Variants in COX7B2 observed in about 807,000 individuals in gnomAD.
COX7B2 encodes the protein cytochrome c oxidase subunit 7B2, mitochondrial.
For missense variants in COX7B2, 109 were observed against 95.9 expected (o/e 1.14, Z -0.57); for synonymous variants, 37 against 32.1 (o/e 1.15, Z -0.51).
chr4:46,735,178 C>T lies in COX7B2; in HGVS notation c.15G>A (p.Leu5=). 1 of 1,613,084 alleles carries T rather than the reference C, an allele frequency of 6.2e-7. No homozygotes were observed. The highest frequency in any genetic ancestry group is 1.3e-5 in the African/African-American group (1 of 74,982). Residue 5 remains leucine (L), a synonymous_variant, in exon 3 of 3, where the codon TTG becomes TTA. Transcript: ENST00000355591. ...TGAGACTGCTTAGTGCATTTCTGGC[C>T]AAGGGAAACATCATGAAGGATTGCA... The part of the protein sequence containing the change: MMFP[L]ARNALSSLKI...
chr4:46,864,644 TTTTGTTTGTTTG>T (rs57824496), intron 1 of COX7B2, among the ~76,000 whole-genome samples: 13 of 149,130 alleles, frequency 8.7e-5, no homozygotes, highest in African/African-American at 3.2e-4. Flanking sequence ...CAGAGTTGTT[TTTTGTTTGTTTG>T]TTTGTTTGTT....
At chr4:46,868,302 T>G (rs1228125523) in intron 1 of COX7B2, among the ~76,000 whole-genome samples, 3 of 152,138 alleles carry the variant, frequency 2.0e-5, no homozygotes, top group African/African-American at 7.2e-5. Context: ...CCTATCCTAT[T>G]ATTTCTTTCA....
intron 2 of COX7B2, among the ~76,000 whole-genome samples, chr4:46,830,042 G>C (rs1350206828): frequency 2.0e-5 from 3 of 152,046 alleles, no homozygotes; most frequent in Non-Finnish European, 4.4e-5. Context: ...AAAATGGATA[G>C]AGGCCGGGCG....
intron 2 of COX7B2, among the ~76,000 whole-genome samples, chr4:46,818,212 C>A (rs1719651645): frequency 6.6e-6 from 1 of 152,172 alleles, no homozygotes; most frequent in Non-Finnish European, 1.5e-5. Context: ...TATTGAATCT[C>A]CTGTCTTACT....
At chr4:46,758,890 G>A (rs1170259019) in intron 2 of COX7B2, among the ~76,000 whole-genome samples, 1 of 152,052 alleles carries the variant, frequency 6.6e-6, no homozygotes, top group Non-Finnish European at 1.5e-5. Flanking sequence ...CAGGCAAAGG[G>A]TAGACCATAA....
intron 2 of COX7B2, among the ~76,000 whole-genome samples, chr4:46,830,923 C>T (rs181676169): frequency 3.8e-3 from 580 of 152,314 alleles, no homozygotes; most frequent in African/African-American, 0.013. Flanking sequence ...TCCTAGGCGT[C>T]GGCGCCCACT....
At chr4:46,794,457 A>G (rs768106856) in intron 2 of COX7B2, among the ~76,000 whole-genome samples, 1 of 152,188 alleles carries the variant, frequency 6.6e-6, no homozygotes, top group Admixed American at 6.5e-5. Context: ...GAACTGTTAG[A>G]GTACAGTCAT....
At chr4:46,769,868 T>C (rs146937627) in intron 2 of COX7B2, among the ~76,000 whole-genome samples, 202 of 152,148 alleles carry the variant, frequency 1.3e-3, no homozygotes, top group Non-Finnish European at 2.2e-3. Context: ...CCATATACAA[T>C]AAGCCCACAG....
intron 2 of COX7B2, among the ~76,000 whole-genome samples, chr4:46,796,884 T>C (rs1307676650): frequency 6.3e-5 from 3 of 47,486 alleles, no homozygotes; most frequent in Admixed American, 2.4e-4. Context: ...TAGGTGGGAA[T>C]TGAACAATGA....
intron 2 of COX7B2, among the ~76,000 whole-genome samples, chr4:46,754,728 G>GTGTATATA (rs1333586285): frequency 3.3e-4 from 13 of 39,866 alleles, no homozygotes; most frequent in Non-Finnish European, 5.3e-4. Context: ...GTGTGTGTGT[G>GTGTATATA]TATATATATA....
chr4:46,871,960 C>T (rs1334945242), intron 1 of COX7B2, among the ~76,000 whole-genome samples: 1 of 152,130 alleles, frequency 6.6e-6, no homozygotes, highest in African/African-American at 2.4e-5. Flanking sequence ...ACCCAGCAAT[C>T]CTATTATTGG....
At chr4:46,851,922 G>C (rs1296734296) in intron 1 of COX7B2, among the ~76,000 whole-genome samples, 4 of 152,048 alleles carry the variant, frequency 2.6e-5, no homozygotes, top group African/African-American at 7.2e-5. Flanking sequence ...TGATAAAGCT[G>C]GTGTTAACCA....
At position 46,840,406 on chromosome 4, in the gene COX7B2, G is replaced by C. The variant is rs554889902; in HGVS notation, c.-50+4554C>G. 1.4e-4 allele frequency among the ~76,000 whole-genome samples: 21 copies of C among 152,122 alleles called. No homozygotes were observed. The South Asian group carries it at 4.4e-3, about 32-fold the overall frequency. ...AGGATTCAGCAGGTAGGAAAGAGAGGATATTATATTAAATAAGCCACAAGA... is the reference window on the plus strand; with the variant it reads ...AGGATTCAGCAGGTAGGAAAGAGAGCATATTATATTAAATAAGCCACAAGA... On this transcript the variant is annotated intron_variant, in intron 2 of 2. Coordinates refer to ENST00000355591, the MANE Select transcript of COX7B2 (RefSeq NM_130902.3).
At chr4:46,864,431 C>G (rs555695373) in intron 1 of COX7B2, among the ~76,000 whole-genome samples, 1 of 152,154 alleles carries the variant, frequency 6.6e-6, no homozygotes, top group South Asian at 2.1e-4. Context: ...ATTCAAAAAC[C>G]ACCTCTCCAA....
chr4:46,763,952 C>T (rs1239542179), intron 2 of COX7B2, among the ~76,000 whole-genome samples: 1 of 152,034 alleles, frequency 6.6e-6, no homozygotes, highest in Non-Finnish European at 1.5e-5. Flanking sequence ...ATGAAGAAAA[C>T]AATTAAAACT....
At chr4:46,901,380 G>A (rs1007175696) in intron 1 of COX7B2, among the ~76,000 whole-genome samples, 3 of 152,128 alleles carry the variant, frequency 2.0e-5, no homozygotes, top group Non-Finnish European at 2.9e-5. Context: ...CACTCTGATC[G>A]AGTTGGGGGT....
intron 2 of COX7B2, among the ~76,000 whole-genome samples, chr4:46,774,866 G>A (rs147792761): frequency 1.2e-4 from 18 of 152,132 alleles, no homozygotes; most frequent in African/African-American, 4.1e-4. Context: ...TTGACTAAAT[G>A]TGATTTACAT....
intron 2 of COX7B2, among the ~76,000 whole-genome samples, chr4:46,766,791 G>C (rs1419996151): frequency 6.6e-6 from 1 of 150,800 alleles, no homozygotes; most frequent in Non-Finnish European, 1.5e-5. Context: ...GCATTAAACT[G>C]ACCATTACAA....
intron 2 of COX7B2, among the ~76,000 whole-genome samples, chr4:46,820,479 G>A (rs1475873552): frequency 6.6e-6 from 1 of 152,154 alleles, no homozygotes; most frequent in East Asian, 1.9e-4. Context: ...CCGGTCCATG[G>A]CCTGCGGGTT....
Sources: allele counts gnomAD v4.1 joint callset (sites outside exome capture counted in the v4.1 genomes callset), GRCh38; gene constraint gnomAD v4.1.1; transcripts MANE v1.5; gene names NCBI Gene and HGNC (gene_info 2026-07-23, HGNC 2026-07-21).